TTC21A: variants seen among roughly 807,000 people sequenced by gnomAD.
TTC21A encodes tetratricopeptide repeat domain 21A.
Under a neutral mutation model 156.4 loss-of-function variants are expected in TTC21A, and 128 were observed. The ratio of observed to expected loss-of-function variants is 0.82; its 90% CI spans 0.71 to 0.95. TTC21A has a LOEUF of 0.95. TTC21A is among the 40% of genes least tolerant of loss of function. The probability of loss-of-function intolerance (pLI) is 0.00; values close to 1 mark genes in which losing one functional copy is unlikely to be tolerated. For synonymous variants in TTC21A, 587 were observed against 617.1 expected (o/e 0.95, Z 0.72); for missense variants, 1,435 against 1,602.3 (o/e 0.90, Z 1.78).
chr3:39,132,924 C>A, intron 19 of TTC21A, 128 bp from the exon 20 acceptor site: 1 of 1,039,786 alleles, frequency 9.6e-7, no homozygotes, highest in South Asian at 1.5e-5. Flanking sequence ...CAGAGTGACC[C>A]AAATTTGCCC....
chr3:39,119,993 T>TA lies in TTC21A; in HGVS notation c.880dup (p.Ile294AsnfsTer5), dbSNP rs776450747. On this transcript the variant is annotated frameshift_variant, in exon 8 of 29. Transcript: ENST00000683103. LOFTEE classifies it high-confidence loss of function. ...AACCCGAAAATCCAAGCCTCCATCT[T>TA]AAAAAAATTATTGTGGTTAGCCGAC... 3 of 1,607,036 alleles carry TA rather than the reference T, an allele frequency of 1.9e-6. No homozygotes were observed. Among genetic ancestry groups the TA allele is most frequent in the South Asian group, 1.1e-5 (1 of 90,946 alleles).
In TTC21A at chr3:39,126,354, C is replaced by T. The variant is rs773398337; in HGVS notation, c.1486C>T (p.Pro496Ser). The change falls in exon 12 of 29, where the codon CCC becomes TCC. Residue 496 changes from proline to serine, a missense_variant. Coordinates refer to ENST00000683103, the MANE Select transcript of TTC21A (RefSeq NM_001366900.1). ...VVKAAPALIDPLYLMAQVRYY... is the reference protein window; with the variant it reads ...VVKAAPALIDSLYLMAQVRYY... ...CAAAGCAGCACCAGCTCTGATCGACCCCCTGTATTTGATGGCTCAGGTCAG... is the reference window on the plus strand; with the variant it reads ...CAAAGCAGCACCAGCTCTGATCGACTCCCTGTATTTGATGGCTCAGGTCAG... 9 of 1,614,002 alleles carry T rather than the reference C, an allele frequency of 5.6e-6. No individual in the cohort carries two copies. The highest frequency in any genetic ancestry group is 7.6e-6 in the Non-Finnish European group (9 of 1,179,990).
In TTC21A at chr3:39,130,112, C is replaced by T; in HGVS notation, c.2169C>T (p.Thr723=). Residue 723 remains threonine (T), a synonymous_variant, in exon 16 of 29, where the codon ACC becomes ACT. Coordinates refer to ENST00000683103, the MANE Select transcript of TTC21A (RefSeq NM_001366900.1). The surrounding 1 kb of genome is among the most constrained non-coding windows in gnomAD (Gnocchi z 4.5). ...GTGAACATCTGCCTGGCCCCCACACCAGCCTGCTACTGGGCGATGCCTTAA... is the reference window on the plus strand; with the variant it reads ...GTGAACATCTGCCTGGCCCCCACACTAGCCTGCTACTGGGCGATGCCTTAA... ...ELCEHLPGPH[T]SLLLGDALMS... 1 of 1,614,132 alleles carries T rather than the reference C, an allele frequency of 6.2e-7. No individual in the cohort carries two copies. The highest frequency in any genetic ancestry group is 8.5e-7 in the Non-Finnish European group (1 of 1,180,028).
Position 39,130,149 on chromosome 3 carries a change from G to A in TTC21A, c.2206G>A (p.Glu736Lys). ...GGGCGATGCCTTAATGAGCATTCTG[G>A]AGGTAAGTGAGAGGCCTCACAGCCT... is the stretch of plus-strand genomic sequence containing the variant. ...LLGDALMSILEPEKALEVYDE... is the reference protein window; with the variant it reads ...LLGDALMSILKPEKALEVYDE... The change falls in exon 16 of 29, where the codon GAG becomes AAG. Residue 736 changes from glutamate to lysine, a missense_variant and splice_region_variant. Glu to Lys is a moderately conservative substitution (Grantham distance 56). Transcript: ENST00000683103. The surrounding 1 kb of genome is among the most constrained non-coding windows in gnomAD (Gnocchi z 4.5). The A allele has an allele frequency of 1.2e-6, 2 of 1,613,908 alleles. No individual in the cohort carries two copies. Among genetic ancestry groups the A allele is most frequent in the Non-Finnish European group, 8.5e-7 (1 of 1,179,934 alleles).
intron 6 of TTC21A, 38 bp from the exon 7 acceptor site, chr3:39,118,031 A>G (rs377644054): frequency 2.7e-6 from 4 of 1,485,812 alleles, no homozygotes; most frequent in Non-Finnish European, 3.8e-6. Flanking sequence ...TTTGCCTATC[A>G]ATACTCTCAA....
intron 5 of TTC21A, among the ~76,000 whole-genome samples, chr3:39,113,483 T>C (rs2125760113): frequency 6.6e-6 from 1 of 152,312 alleles, no homozygotes; most frequent in African/African-American, 2.4e-5. Context: ...GGAGGTGGGC[T>C]GCCCCAGGGA....
chr3:39,115,667 G>GA (rs1016207215), intron 6 of TTC21A, among the ~76,000 whole-genome samples: 1 of 151,714 alleles, frequency 6.6e-6, no homozygotes, highest in African/African-American at 2.4e-5. Context: ...ACCCTGTCTC[G>GA]AAAAAAATAA....
At position 39,114,752 on chromosome 3, in the gene TTC21A, T is replaced by A. The variant is rs752783899; in HGVS notation, c.716+10T>A. 2 of 1,614,008 alleles carry A rather than the reference T, an allele frequency of 1.2e-6. No homozygotes were observed. Among genetic ancestry groups the A allele is most frequent in the Non-Finnish European group, 1.7e-6 (2 of 1,179,992 alleles). On this transcript the variant is annotated intron_variant, in intron 6 of 28. Transcript: ENST00000683103. ...TAGAAATGGGACACAGGTGAGCTAC[T>A]GCACAAATGGGCAGCCAAGGGTGGT... is the stretch of plus-strand genomic sequence containing the variant.
chr3:39,119,594 C>G (rs1389858276), intron 7 of TTC21A: 2 of 156,808 alleles, frequency 1.3e-5, no homozygotes, highest in African/African-American at 5.5e-5. Context: ...AGGAACAGGG[C>G]TACTCTATGG....
intron 4 of TTC21A, among the ~76,000 whole-genome samples, chr3:39,112,060 T>C (rs1209089683): frequency 6.6e-6 from 1 of 151,938 alleles, no homozygotes. Context: ...ACATCAAGAG[T>C]GGCCTTGCGT....
intron 1 of TTC21A, among the ~76,000 whole-genome samples, chr3:39,108,637 C>A (rs915983448): frequency 6.6e-6 from 1 of 152,210 alleles, no homozygotes; most frequent in Non-Finnish European, 1.5e-5. Flanking sequence ...AAAATCTCAG[C>A]CCCTTTGTCA....
At position 39,110,166 on chromosome 3, in the gene TTC21A, C is replaced by T. The variant is rs755607105; in HGVS notation, c.268+27C>T. The T allele has an allele frequency of 9.6e-6, 15 of 1,562,988 alleles. No homozygotes were observed. In the South Asian group the frequency reaches 1.7e-4, roughly 17 times the overall value. On this transcript the variant is annotated intron_variant, in intron 3 of 28. Coordinates refer to ENST00000683103, the MANE Select transcript of TTC21A (RefSeq NM_001366900.1). ...TGAGTGCCACCATGCTCAACCAGGC[C>T]TGACCCACCAGGGGAAGGAAAGCCC...
chr3:39,128,718 T>TCCGA lies in TTC21A; in HGVS notation c.1683_1686dup (p.Asp563ProfsTer52). 6.2e-7 allele frequency: 1 copy of TCCGA among 1,613,910 alleles called. No individual in the cohort carries two copies. The highest frequency in any genetic ancestry group is 8.5e-7 in the Non-Finnish European group (1 of 1,179,952). ...CACACTCTGCTGTGCTCCTCCTAGG[T>TCCGA]CCGAGATCACCCCCTCTACCACCTC... On this transcript the variant is annotated frameshift_variant and splice_region_variant, in exon 14 of 29. Transcript: ENST00000683103. LOFTEE classifies it high-confidence loss of function.
chr3:39,130,946 C>A lies in TTC21A; in HGVS notation c.2459-46C>A. 1.2e-6 allele frequency: 2 copies of A among 1,608,014 alleles called. No homozygotes were observed. Among genetic ancestry groups the A allele is most frequent in the Middle Eastern group, 1.7e-4 (1 of 6,044 alleles). On this transcript the variant is annotated intron_variant, in intron 18 of 28. Coordinates refer to ENST00000683103, the MANE Select transcript of TTC21A (RefSeq NM_001366900.1). This position sits in a 1 kb window ranked among gnomAD's most constrained non-coding sequence, Gnocchi z 4.5. The stretch of plus-strand genomic sequence containing the variant: ...CCAGCGCTCCCCACCAACACAGCTT[C>A]CCAGGAGCCAGTGAACTAACACTAA...
rs536368277 is a variant in TTC21A, at chr3:39,116,616, C to A, written c.717-1453C>A. On this transcript the variant is annotated intron_variant, in intron 6 of 28. Transcript: ENST00000683103. ...TCAGCCTCTTGAGAAGCTAGGACTA[C>A]AAGCAAGCACCACCATACCCAGCTA... 6.6e-5 allele frequency among the ~76,000 whole-genome samples: 10 copies of A among 152,170 alleles called. No homozygotes were observed. In the South Asian group the frequency reaches 2.1e-3, roughly 32 times the overall value.
At position 39,112,484 on chromosome 3, in the gene TTC21A, C is replaced by T. The variant is rs1026812241; in HGVS notation, c.462C>T (p.Asp154=). 2.5e-6 allele frequency: 4 copies of T among 1,614,142 alleles called. No homozygotes were observed. The highest frequency in any genetic ancestry group is 2.5e-6 in the Non-Finnish European group (3 of 1,180,022). ...CCTATGTGCTCAGAGGCTGGGTGGA[C>T]CTGACCTCAGACAAGCCCCACACTG... ...REAYVLRGWV[D]LTSDKPHTAK... The change falls in exon 5 of 29, where the codon GAC becomes GAT. Residue 154 remains aspartate, a synonymous_variant. Coordinates refer to ENST00000683103, the MANE Select transcript of TTC21A (RefSeq NM_001366900.1).
At chr3:39,126,438 T>C in intron 12 of TTC21A, 48 bp downstream of exon 12, 1 of 1,599,894 alleles carries the variant, frequency 6.3e-7, no homozygotes, top group Non-Finnish European at 8.5e-7. Context: ...AAACACCTGA[T>C]GTAGCTTTGT....
intron 12 of TTC21A, among the ~76,000 whole-genome samples, chr3:39,128,102 G>T (rs1444395945): frequency 1.3e-5 from 2 of 152,212 alleles, no homozygotes; most frequent in Admixed American, 1.3e-4. Flanking sequence ...GACAAGAAGG[G>T]TGTTGCACTG....
chr3:39,122,303 T>A, intron 9 of TTC21A, among the ~76,000 whole-genome samples: 1 of 127,004 alleles, frequency 7.9e-6, no homozygotes. Context: ...AGAGTGAGAC[T>A]CCACCTCAAA....
Sources: gnomAD v4.1 joint callset for allele counts (sites outside exome capture counted in the v4.1 genomes callset) on GRCh38, gnomAD v4.1.1 for gene constraint, Gnocchi (gnomAD v3.1) non-coding constraint, MANE v1.5 for transcripts, NCBI Gene and HGNC (gene_info 2026-07-23, HGNC 2026-07-21) for gene names.